The following RPIA variants were observed in gnomAD, a reference collection of about 807,000 sequenced individuals.
RPIA encodes the protein ribose-5-phosphate isomerase.
In RPIA, 29 loss-of-function variants were observed where a neutral mutation model predicts 37.8. The ratio of observed to expected loss-of-function variants is 0.77; its 90% CI spans 0.57 to 1.05. The LOEUF (loss-of-function observed/expected upper bound fraction) is 1.05. Ranked by LOEUF, RPIA falls within the 50% of genes least tolerant of loss-of-function variation. The pLI is 0.00. For missense variants in RPIA, 385 were observed against 413.6 expected (o/e 0.93, Z 0.60); for synonymous variants, 167 against 157.0 (o/e 1.06, Z -0.48).
intron 3 of RPIA, among the ~76,000 whole-genome samples, chr2:88,724,312 T>C (rs1200157392): frequency 6.6e-6 from 1 of 152,006 alleles, no homozygotes; most frequent in Non-Finnish European, 1.5e-5. Flanking sequence ...CTTTGTTTTG[T>C]TTTGTTTTTT....
chr2:88,697,861 T>G (rs1246249950), intron 1 of RPIA, among the ~76,000 whole-genome samples: 2 of 152,154 alleles, frequency 1.3e-5, no homozygotes, highest in African/African-American at 4.8e-5. Flanking sequence ...GGCCCTCCCT[T>G]TATCTGCTGA....
At chr2:88,742,476 T>A (rs1673393855) in intron 8 of RPIA, among the ~76,000 whole-genome samples, 1 of 152,228 alleles carries the variant, frequency 6.6e-6, no homozygotes, top group Non-Finnish European at 1.5e-5. Flanking sequence ...TGAAGTCAGG[T>A]AATGTACTGC....
intron 3 of RPIA, among the ~76,000 whole-genome samples, chr2:88,703,290 CTG>C (rs1491406554): frequency 1.3e-5 from 2 of 152,242 alleles, no homozygotes; most frequent in African/African-American, 4.8e-5. Context: ...AGTAGAGACT[CTG>C]TGCAGGGGCT....
intron 3 of RPIA, among the ~76,000 whole-genome samples, chr2:88,715,140 CAA>C (rs1378627941): frequency 2.6e-5 from 4 of 152,150 alleles, no homozygotes; most frequent in African/African-American, 7.2e-5. Context: ...ATCAAGGAGA[CAA>C]GAGGAATCCT....
chr2:88,705,615 A>G (rs1347299833), intron 3 of RPIA, among the ~76,000 whole-genome samples: 5 of 152,118 alleles, frequency 3.3e-5, no homozygotes, highest in African/African-American at 1.2e-4. Flanking sequence ...CACTATAAAA[A>G]CCCTAGAAGA....
chr2:88,736,113 C>T (rs1271932360), intron 6 of RPIA, among the ~76,000 whole-genome samples: 1 of 152,158 alleles, frequency 6.6e-6, no homozygotes. Context: ...CTCAGCATAC[C>T]CTGCTTCTTC....
intron 3 of RPIA, among the ~76,000 whole-genome samples, chr2:88,728,117 G>T (rs1205930773): frequency 1.3e-5 from 2 of 152,112 alleles, no homozygotes; most frequent in Admixed American, 6.5e-5. Flanking sequence ...AAAATGGGGA[G>T]TCTTTTAAAC....
chr2:88,708,861 G>A (rs992237820), intron 3 of RPIA, among the ~76,000 whole-genome samples: 2 of 150,174 alleles, frequency 1.3e-5, no homozygotes, highest in African/African-American at 2.5e-5. Flanking sequence ...GGTTCATGCC[G>A]TACTCCTGCG....
At chr2:88,710,337 C>T (rs1008440074) in intron 3 of RPIA, among the ~76,000 whole-genome samples, 8 of 152,098 alleles carry the variant, frequency 5.3e-5, no homozygotes, top group African/African-American at 1.2e-4. Flanking sequence ...TGAGCCACTG[C>T]GCCCAGCCAA....
intron 4 of RPIA, among the ~76,000 whole-genome samples, chr2:88,733,707 C>T (rs193031867): frequency 5.9e-5 from 9 of 152,286 alleles, no homozygotes; most frequent in Non-Finnish European, 1.3e-4. Flanking sequence ...GCCATGCCAG[C>T]CATGCCAAGC....
intron 8 of RPIA, among the ~76,000 whole-genome samples, chr2:88,747,199 T>C (rs1673448101): frequency 6.6e-6 from 1 of 152,098 alleles, no homozygotes; most frequent in Non-Finnish European, 1.5e-5. Context: ...TGGCTGCCTC[T>C]TCTGCGTCAT....
In RPIA at chr2:88,691,695, C is replaced by G; in HGVS notation, c.-4C>G. 6.4e-7 allele frequency: 1 copy of G among 1,567,820 alleles called. No homozygotes were observed. The highest frequency in any genetic ancestry group is 8.6e-7 in the Non-Finnish European group (1 of 1,165,874). On this transcript the variant is annotated 5_prime_UTR_variant, in exon 1 of 9. Coordinates refer to ENST00000283646, the MANE Select transcript of RPIA (RefSeq NM_144563.3). The stretch of plus-strand genomic sequence containing the variant: ...TTCAGCGGAGGCCGGAGCGAGGCGT[C>G]GGGATGCAGCGCCCCGGGCCCTTCA...
intron 8 of RPIA, among the ~76,000 whole-genome samples, chr2:88,739,723 T>G (rs1673360043): frequency 6.6e-6 from 1 of 152,086 alleles, no homozygotes; most frequent in South Asian, 2.1e-4. Context: ...GCTTAAACAG[T>G]TCTCCCATTT....
At chr2:88,749,620 C>T (rs544414598) in intron 8 of RPIA, among the ~76,000 whole-genome samples, 1 of 152,080 alleles carries the variant, frequency 6.6e-6, no homozygotes, top group Non-Finnish European at 1.5e-5. Context: ...CATGGAGGGT[C>T]TCTAGAGGAT....
intron 8 of RPIA, among the ~76,000 whole-genome samples, chr2:88,742,596 T>G (rs903707011): frequency 1.3e-5 from 2 of 152,184 alleles, no homozygotes; most frequent in African/African-American, 2.4e-5. Context: ...GATGGCGGTA[T>G]TTCGATGGGA....
chr2:88,747,500 C>A (rs1229485565), intron 8 of RPIA, among the ~76,000 whole-genome samples: 1 of 152,218 alleles, frequency 6.6e-6, no homozygotes, highest in Non-Finnish European at 1.5e-5. Flanking sequence ...GAAATTATTA[C>A]GAAGTTCAGC....
chr2:88,721,562 CACACA>C (rs1673129335), intron 3 of RPIA, among the ~76,000 whole-genome samples: 1 of 70,576 alleles, frequency 1.4e-5, no homozygotes, highest in African/African-American at 5.1e-5. Flanking sequence ...CACACACACA[CACACA>C]CACACCCCCC....
At position 88,691,805 on chromosome 2, in the gene RPIA, T is replaced by C; in HGVS notation, c.107T>C (p.Leu36Pro). 1 of 1,594,986 alleles carries C rather than the reference T, an allele frequency of 6.3e-7. No individual in the cohort carries two copies. The change falls in exon 1 of 9, where the codon CTC becomes CCC. Residue 36 changes from leucine (L) to proline (P), a missense_variant. Leu to Pro is a moderately conservative substitution (Grantham distance 98). Transcript: ENST00000283646. ...GGCGGAGGAGGGAACAGCTGGGACC[T>C]CCCGGGTTCCCACGTGCGGCTGCCG... ...ASGGGGNSWD[L>P]PGSHVRLPGR...
intron 8 of RPIA, among the ~76,000 whole-genome samples, chr2:88,741,111 A>G (rs1011465362): frequency 1.3e-5 from 2 of 152,098 alleles, no homozygotes; most frequent in Non-Finnish European, 2.9e-5. Flanking sequence ...GTTTGGCTAC[A>G]TGGATAAGTT....
Sources: gnomAD v4.1 joint callset for allele counts (sites outside exome capture counted in the v4.1 genomes callset) on GRCh38, gnomAD v4.1.1 for gene constraint, MANE v1.5 for transcripts, NCBI Gene and HGNC (gene_info 2026-07-23, HGNC 2026-07-21) for gene names.